The following ANLN variants were observed in gnomAD, a reference collection of about 807,000 sequenced individuals.
The protein encoded by ANLN is anillin.
A neutral mutation model predicts 135.1 loss-of-function variants in ANLN; 59 were observed. The ratio of observed to expected loss-of-function variants is 0.44; its 90% CI spans 0.35 to 0.54. ANLN has a LOEUF of 0.54. ANLN is among the 20% of genes least tolerant of loss of function. The probability of loss-of-function intolerance (pLI) is 0.00; values close to 1 mark genes in which losing one functional copy is unlikely to be tolerated. For synonymous variants in ANLN, 406 were observed against 456.4 expected, an observed-to-expected ratio of 0.89 and a Z score of 1.41; for missense variants, 1,182 against 1,340.0, an observed-to-expected ratio of 0.88 and a Z score of 1.84.
At chr7:36,392,557 A>G (rs1786523593) in intron 1 of ANLN, among the ~76,000 whole-genome samples, 1 of 146,992 alleles carries the variant, frequency 6.8e-6, no homozygotes, top group African/African-American at 2.5e-5. Context: ...GAAAGGTGTG[A>G]TATTTCAAGG....
chr7:36,410,389 T>G, intron 5 of ANLN, 125 bp from the exon 6 acceptor site: 1 of 820,616 alleles, frequency 1.2e-6, no homozygotes, highest in Non-Finnish European at 1.8e-6. Context: ...GTCTACTTTG[T>G]GAATGAATAT....
At chr7:36,449,559 A>T in intron 22 of ANLN, 106 bp from the exon 23 acceptor site, 2 of 864,312 alleles carry the variant, frequency 2.3e-6, no homozygotes, top group Non-Finnish European at 3.4e-6. Context: ...TAACTTTTAA[A>T]TAATAGCTTT....
intron 19 of ANLN, 150 bp from the exon 20 acceptor site, chr7:36,426,766 T>C (rs894927328): frequency 1.7e-5 from 8 of 468,064 alleles, no homozygotes; most frequent in Non-Finnish European, 2.7e-5. Context: ...AGTTGATTTT[T>C]CCCCCCACAT....
intron 1 of ANLN, among the ~76,000 whole-genome samples, chr7:36,393,860 A>C (rs1007470223): frequency 6.6e-6 from 1 of 152,232 alleles, no homozygotes; most frequent in African/African-American, 2.4e-5. Context: ...GTGCTTGTTC[A>C]GCTACTAGAG....
At chr7:36,394,339 C>T (rs1007172834) in intron 1 of ANLN, among the ~76,000 whole-genome samples, 3 of 152,034 alleles carry the variant, frequency 2.0e-5, no homozygotes, top group Admixed American at 1.3e-4. Context: ...GCTGAGAACT[C>T]GGTTTTTAAG....
rs1158045642 is a variant in ANLN at position 36,397,618 on chromosome 7, G to GA, written c.172+1203dup. Among the ~76,000 whole-genome samples, 2 of 152,062 alleles carry GA rather than the reference G, an allele frequency of 1.3e-5. 1 individual carries two copies. Among genetic ancestry groups the GA allele is most frequent in the Admixed American group, 1.3e-4 (2 of 15,256 alleles). The stretch of plus-strand genomic sequence containing the variant: ...AGTTTCAAAAATAAAAAAAGGAAAA[G>GA]AAAAGAAAAAAGAGCCAAGTGTAGT... On this transcript the variant is annotated intron_variant, in intron 2 of 23. Coordinates refer to ENST00000265748, the MANE Select transcript of ANLN (RefSeq NM_018685.5).
intron 14 of ANLN, among the ~76,000 whole-genome samples, 183 bp from the exon 15 acceptor site, chr7:36,423,634 A>G (rs1416810394): frequency 2.0e-5 from 3 of 152,084 alleles, no homozygotes; most frequent in African/African-American, 7.2e-5. Context: ...TTATTTCAGG[A>G]TTATACTGCC....
At chr7:36,433,648 C>T (rs930543272) in intron 20 of ANLN, among the ~76,000 whole-genome samples, 3 of 152,176 alleles carry the variant, frequency 2.0e-5, no homozygotes, top group Admixed American at 6.5e-5. Flanking sequence ...CTTTCTGAAA[C>T]TCCAGTTAAT....
Position 36,425,688 on chromosome 7 carries a change from ATCTTT to A in ANLN, c.2710-7_2710-3del, listed in dbSNP as rs1788053001. 1.3e-6 allele frequency: 2 copies of A among 1,589,138 alleles called. No homozygotes were observed. Among genetic ancestry groups the A allele is most frequent in the Non-Finnish European group, 1.7e-6 (2 of 1,158,778 alleles). ...TAATAAGAAATATATATAGTAAGCT[ATCTTT>A]TCTTTTAGGCTATTACTCCAAAGCG... is the stretch of plus-strand genomic sequence containing the variant. On this transcript the variant is annotated splice_polypyrimidine_tract_variant and intron_variant, in intron 17 of 23. Transcript: ENST00000265748.
chr7:36,402,436 C>T (rs979161438), intron 3 of ANLN, among the ~76,000 whole-genome samples: 2 of 152,086 alleles, frequency 1.3e-5, no homozygotes, highest in African/African-American at 4.8e-5. Flanking sequence ...TAATACTAGC[C>T]TTCTAACTGG....
chr7:36,402,803 T>G (rs913957618), intron 3 of ANLN, among the ~76,000 whole-genome samples: 1 of 152,160 alleles, frequency 6.6e-6, no homozygotes, highest in South Asian at 2.1e-4. Flanking sequence ...GAGTCCAGCT[T>G]AAGGAGTCTC....
chr7:36,420,346 T>C (rs771035654), intron 11 of ANLN, 32 bp downstream of exon 11: 6 of 1,608,070 alleles, frequency 3.7e-6, no homozygotes, highest in Non-Finnish European at 5.1e-6. Flanking sequence ...ATTCACTCAC[T>C]AAGGGTCATG....
At chr7:36,431,736 G>T (rs1208605218) in intron 20 of ANLN, among the ~76,000 whole-genome samples, 1 of 150,992 alleles carries the variant, frequency 6.6e-6, no homozygotes, top group African/African-American at 2.4e-5. Flanking sequence ...TCCCTTCAAG[G>T]CTTGGGTGTT....
rs373980745 is a variant in ANLN, at chr7:36,452,558, C to T, written c.3333C>T (p.Leu1111=). The T allele has an allele frequency of 5.6e-6, 9 of 1,613,964 alleles. No homozygotes were observed. Among genetic ancestry groups the T allele is most frequent in the Non-Finnish European group, 7.6e-6 (9 of 1,179,954 alleles). Residue 1111 remains leucine, a synonymous_variant, in exon 24 of 24, where the codon CTC becomes CTT. Coordinates refer to ENST00000265748, the MANE Select transcript of ANLN (RefSeq NM_018685.5). ...KLNQVLVDIR[L]WQPDACYKPI... is the part of the protein sequence containing the mutation. Reference sequence around the variant, plus strand: ...ATCAAGTTCTTGTTGATATTCGCCTCTGGCAACCTGATGCTTGCTACAAAC... The same window carrying T: ...ATCAAGTTCTTGTTGATATTCGCCTTTGGCAACCTGATGCTTGCTACAAAC...
chr7:36,429,361 C>G (rs1422445997), intron 20 of ANLN, among the ~76,000 whole-genome samples: 1 of 152,036 alleles, frequency 6.6e-6, no homozygotes, highest in Non-Finnish European at 1.5e-5. Flanking sequence ...GCTGGGATTA[C>G]AGGCGTGCAC....
At chr7:36,451,661 C>T (rs761388670) in intron 23 of ANLN, among the ~76,000 whole-genome samples, 7 of 152,182 alleles carry the variant, frequency 4.6e-5, no homozygotes, top group Non-Finnish European at 7.3e-5. Flanking sequence ...GCAGTATTTT[C>T]TTCATTGACT....
At chr7:36,424,504 G>A in intron 15 of ANLN, 41 bp from the exon 16 acceptor site, 1 of 1,501,208 alleles carries the variant, frequency 6.7e-7, no homozygotes, top group Non-Finnish European at 9.1e-7. Flanking sequence ...GTGTGATTGA[G>A]GTTTTCTCTC....
Position 36,401,741 on chromosome 7 carries a change from A to G in ANLN, c.487+2348A>G, listed in dbSNP as rs1271469911. 2.6e-5 allele frequency among the ~76,000 whole-genome samples: 3 copies of G among 117,606 alleles called. 1 individual carries two copies. The highest frequency in any genetic ancestry group is 5.5e-5 in the Non-Finnish European group (3 of 54,074). 77.2% of individuals were successfully genotyped at this position (117,606 alleles called of 152,430 possible). A position where few individuals can be genotyped will look rare whatever the true frequency, so the allele number is the denominator to read the frequency against. ...GGTAGGACTCGACTCCAGATGCGGG[A>G]CTTGGACACTGGACAAGATAGAGAA... On this transcript the variant is annotated intron_variant, in intron 3 of 23. Coordinates refer to ENST00000265748, the MANE Select transcript of ANLN (RefSeq NM_018685.5).
intron 2 of ANLN, 114 bp from the exon 3 acceptor site, chr7:36,398,965 A>ATT: frequency 1.3e-6 from 1 of 798,472 alleles, no homozygotes. Context: ...AACTAAAATC[A>ATT]TTTAAAAGAA....
Sources: allele counts gnomAD v4.1 joint callset (sites outside exome capture counted in the v4.1 genomes callset), GRCh38; gene constraint gnomAD v4.1.1; transcripts MANE v1.5; gene names NCBI Gene and HGNC (gene_info 2026-07-23, HGNC 2026-07-21).